The following CELSR1 variants were observed in gnomAD, a reference collection of about 807,000 sequenced individuals.
The protein encoded by CELSR1 is cadherin EGF LAG seven-pass G-type receptor 1.
In CELSR1, 110 loss-of-function variants were observed where a neutral mutation model predicts 249.1. That is an observed-to-expected ratio of 0.44 (90% CI 0.38 to 0.52). The LOEUF (loss-of-function observed/expected upper bound fraction) is 0.52, where lower values mean the gene tolerates loss of function less well. Among genes scored for constraint, CELSR1 ranks in the 20% least tolerant of loss-of-function variants. The probability of loss-of-function intolerance (pLI) is 0.00; values close to 1 mark genes in which losing one functional copy is unlikely to be tolerated. For synonymous variants in CELSR1, 2,113 were observed against 1,900.0 expected (o/e 1.11, Z -2.92); for missense variants, 4,109 against 4,296.4 (o/e 0.96, Z 1.22).
At position 46,533,790 on chromosome 22, in the gene CELSR1, G is replaced by C. The variant is rs1459742035; in HGVS notation, c.3381C>G (p.Ile1127Met). ...NSFPTGVIGC[I>M]PAHDPDVSDS... ...CTGACACGTCGGGGTCATGGGCCGG[G>C]ATGCAGCCGATCACGCCGGTGGGGA... The change falls in exon 1 of 35, where the codon ATC becomes ATG. Residue 1127 changes from isoleucine to methionine, a missense_variant. By Grantham distance (10) the Ile-to-Met change is conservative. Around this residue, in one of 7 missense-constraint regions of CELSR1, gnomAD observed 886 missense variants for 896.5 expected, o/e 0.99. Coordinates refer to ENST00000674500, the MANE Select transcript of CELSR1 (RefSeq NM_001378328.1). 5 of 1,613,748 alleles carry C rather than the reference G, an allele frequency of 3.1e-6. No homozygotes were observed. The South Asian group carries it at 5.5e-5, about 18-fold the overall frequency.
Position 46,363,481 on chromosome 22 carries a change from G to A in CELSR1, c.9036-234C>T. The A allele has an allele frequency of 2.0e-6, 1 of 487,862 alleles. No homozygotes were observed. The highest frequency in any genetic ancestry group is 3.7e-6 in the Non-Finnish European group (1 of 268,972). 30.2% of individuals were successfully genotyped at this position (487,862 alleles called of 1,614,324 possible). On this transcript the variant is annotated intron_variant, in intron 34 of 34. Coordinates refer to ENST00000674500, the MANE Select transcript of CELSR1 (RefSeq NM_001378328.1). This position sits in a 1 kb window ranked among gnomAD's most constrained non-coding sequence, Gnocchi z 4.3. ...TGCTGGTCTTTCAGAAGAGCGCAAG[G>A]AATCCACGTTAGAAACCGGCCATCT...
intron 1 of CELSR1, among the ~76,000 whole-genome samples, chr22:46,494,727 G>A (rs1262441645): frequency 2.0e-5 from 3 of 152,022 alleles, no homozygotes; most frequent in South Asian, 2.1e-4. Flanking sequence ...GGCTGGTCTC[G>A]AACTACTGAC....
chr22:46,421,753 G>A lies in CELSR1; in HGVS notation c.4612-9994C>T, dbSNP rs568018279. ...TGCAGGGTAAGTAAAGGCAGTGGCC[G>A]CCGACTTCACCAACTGATGGGAGCA... On this transcript the variant is annotated intron_variant, in intron 5 of 34. Transcript: ENST00000674500. Among the ~76,000 whole-genome samples the A allele has an allele frequency of 5.9e-5, 9 of 152,378 alleles. No individual in the cohort carries two copies. In the East Asian group the frequency reaches 9.7e-4, roughly 16 times the overall value.
Position 46,399,174 on chromosome 22 carries a change from A to G in CELSR1, c.5413-537T>C, listed in dbSNP as rs2079184042. Among the ~76,000 whole-genome samples, 1 of 152,178 alleles carries G rather than the reference A, an allele frequency of 6.6e-6. No homozygotes were observed. The highest frequency in any genetic ancestry group is 1.5e-5 in the Non-Finnish European group (1 of 68,022). Reference sequence around the variant, plus strand: ...AGTGTGTGGGCATTTCACAGACAACATCTTGGGTTACCTGCCTGCAAACTG... The same window carrying G: ...AGTGTGTGGGCATTTCACAGACAACGTCTTGGGTTACCTGCCTGCAAACTG... On this transcript the variant is annotated intron_variant, in intron 10 of 34. Transcript: ENST00000674500. This position sits in a 1 kb window ranked among gnomAD's most constrained non-coding sequence, Gnocchi z 5.0.
intron 4 of CELSR1, among the ~76,000 whole-genome samples, chr22:46,435,674 T>C (rs2079650971): frequency 6.6e-6 from 1 of 152,166 alleles, no homozygotes; most frequent in Admixed American, 6.5e-5. Context: ...TTTCCAGCAC[T>C]ATAAATAACA....
At chr22:46,466,208 C>T (rs564239578) in intron 1 of CELSR1, among the ~76,000 whole-genome samples, 1 of 152,310 alleles carries the variant, frequency 6.6e-6, no homozygotes, top group South Asian at 2.1e-4. Context: ...AGGCAAAGGA[C>T]ATGGTGGGAG....
In CELSR1 at chr22:46,381,620, G is replaced by T. The variant is rs1008995537; in HGVS notation, c.7088+226C>A. On this transcript the variant is annotated intron_variant, in intron 21 of 34. Transcript: ENST00000674500. The surrounding 1 kb of genome is among the most constrained non-coding windows in gnomAD (Gnocchi z 6.0). ...ATTTCTGGCACAAACACCAGGATGA[G>T]CCCAGGCAAAGGGTGTGCAATGTTC... Among the ~76,000 whole-genome samples the T allele has an allele frequency of 6.6e-6, 1 of 152,334 alleles. No individual in the cohort carries two copies. Among genetic ancestry groups the T allele is most frequent in the South Asian group, 2.1e-4 (1 of 4,818 alleles).
intron 11 of CELSR1, 39 bp from the exon 12 acceptor site, chr22:46,397,887 G>C: frequency 2.7e-6 from 4 of 1,475,612 alleles, no homozygotes; most frequent in Non-Finnish European, 2.7e-6. Context: ...CAGGAGCCCG[G>C]AAAGGTATGT....
At chr22:46,373,159 C>A (rs2078874768) in intron 24 of CELSR1, 102 bp from the exon 25 acceptor site, 1 of 1,252,154 alleles carries the variant, frequency 8.0e-7, no homozygotes, top group African/African-American at 1.5e-5. Context: ...CAATTCGGAC[C>A]ACCCTATGTG....
Position 46,389,343 on chromosome 22 carries a change from T to C in CELSR1, c.6502A>G (p.Ser2168Gly), listed in dbSNP as rs777111093. The change falls in exon 18 of 35, where the codon AGC becomes GGC. Residue 2168 changes from serine to glycine, a missense_variant. Around this residue, in one of 7 missense-constraint regions of CELSR1, gnomAD observed 1,805 missense variants for 1,831.6 expected, o/e 0.99. Coordinates refer to ENST00000674500, the MANE Select transcript of CELSR1 (RefSeq NM_001378328.1). ...QLLGHVLQHE[S>G]WQQGFDLAAT... is the part of the protein sequence containing the mutation. ...GCCAGGTCGAAGCCCTGCTGCCAGC[T>C]CTCGTGCTGAAGGACGTGGCCCAGC... 3.7e-6 allele frequency: 6 copies of C among 1,610,626 alleles called. No individual in the cohort carries two copies. The highest frequency in any genetic ancestry group is 1.8e-4 in the Middle Eastern group (1 of 5,672).
chr22:46,367,481 C>G (rs1001198671), intron 28 of CELSR1, among the ~76,000 whole-genome samples: 7 of 152,214 alleles, frequency 4.6e-5, no homozygotes, highest in African/African-American at 1.7e-4. Flanking sequence ...CACTTCTGTT[C>G]CCTGGAGACA....
At chr22:46,514,802 G>A (rs992662259) in intron 1 of CELSR1, among the ~76,000 whole-genome samples, 10 of 152,154 alleles carry the variant, frequency 6.6e-5, no homozygotes, top group Non-Finnish European at 1.2e-4. Flanking sequence ...AAGTCAGCAA[G>A]CACAAGTCAC....
intron 25 of CELSR1, among the ~76,000 whole-genome samples, chr22:46,372,414 C>T (rs1184375264): frequency 7.9e-6 from 1 of 126,138 alleles, no homozygotes; most frequent in Non-Finnish European, 1.8e-5. Flanking sequence ...CTCACCCCTC[C>T]ACCCATCCAT....
chr22:46,534,777 G>A lies in CELSR1; in HGVS notation c.2394C>T (p.Val798=), dbSNP rs1018895628. Residue 798 remains valine, a synonymous_variant, in exon 1 of 35, where the codon GTC becomes GTT. Coordinates refer to ENST00000674500, the MANE Select transcript of CELSR1 (RefSeq NM_001378328.1). The surrounding 1 kb of genome is among the most constrained non-coding windows in gnomAD (Gnocchi z 9.7). The part of the protein sequence containing the change: ...VFQSSHYTVS[V]SEDRPVGTSI... ...AGGTGCCCACAGGCCTGTCCTCACTGACACTCACTGTGTAATGGGAGCTCT... is the reference window on the plus strand; with the variant it reads ...AGGTGCCCACAGGCCTGTCCTCACTAACACTCACTGTGTAATGGGAGCTCT... 16 of 1,613,162 alleles carry A rather than the reference G, an allele frequency of 9.9e-6. No homozygotes were observed. The highest frequency in any genetic ancestry group is 1.4e-5 in the Non-Finnish European group (16 of 1,180,020).
At chr22:46,371,201 A>G (rs138800292) in intron 25 of CELSR1, among the ~76,000 whole-genome samples, 1 of 152,202 alleles carries the variant, frequency 6.6e-6, no homozygotes, top group Non-Finnish European at 1.5e-5. Flanking sequence ...AGTAAGGGAG[A>G]TGAGTCACAT....
At chr22:46,375,226 G>T (rs540938917) in intron 24 of CELSR1, among the ~76,000 whole-genome samples, 1 of 152,118 alleles carries the variant, frequency 6.6e-6, no homozygotes, top group Non-Finnish European at 1.5e-5. Context: ...CACAGACACC[G>T]TCTCCACCCA....
At position 46,406,565 on chromosome 22, in the gene CELSR1, C is replaced by A. The variant is rs1385639210; in HGVS notation, c.5226+2431G>T. 3.3e-5 allele frequency among the ~76,000 whole-genome samples: 5 copies of A among 152,218 alleles called. No individual in the cohort carries two copies. Among genetic ancestry groups the A allele is most frequent in the Non-Finnish European group, 7.3e-5 (5 of 68,042 alleles). ...CTGCCCCCGCCACACTCCAACCAGGCACTCATGATGGGGAGGGCATGTGCT... is the reference window on the plus strand; with the variant it reads ...CTGCCCCCGCCACACTCCAACCAGGAACTCATGATGGGGAGGGCATGTGCT... On this transcript the variant is annotated intron_variant, in intron 9 of 34. Coordinates refer to ENST00000674500, the MANE Select transcript of CELSR1 (RefSeq NM_001378328.1). This position sits in a 1 kb window ranked among gnomAD's most constrained non-coding sequence, Gnocchi z 5.4.
chr22:46,402,672 C>G lies in CELSR1; in HGVS notation c.5227-2770G>C, dbSNP rs528696086. On this transcript the variant is annotated intron_variant, in intron 9 of 34. Coordinates refer to ENST00000674500, the MANE Select transcript of CELSR1 (RefSeq NM_001378328.1). This position sits in a 1 kb window ranked among gnomAD's most constrained non-coding sequence, Gnocchi z 5.0. ...ACCACAGATTCATCAGACACAGACT[C>G]AAAAATAACACTGGGAACCACAAAA... Among the ~76,000 whole-genome samples the G allele has an allele frequency of 2.2e-4, 34 of 152,232 alleles. 1 individual carries two copies. The highest frequency in any genetic ancestry group is 1.9e-3 in the Admixed American group (29 of 15,294).
At chr22:46,438,310 G>A (rs766699998) in intron 3 of CELSR1, among the ~76,000 whole-genome samples, 1 of 152,150 alleles carries the variant, frequency 6.6e-6, no homozygotes, top group African/African-American at 2.4e-5. Context: ...ACTAGAAAGA[G>A]GAGAAGGGGC....
Sources: gnomAD v4.1 joint callset for allele counts (sites outside exome capture counted in the v4.1 genomes callset) on GRCh38, gnomAD v4.1.1 for gene constraint, gnomAD v4.1.1 regional missense constraint, Gnocchi (gnomAD v3.1) non-coding constraint, MANE v1.5 for transcripts, NCBI Gene and HGNC (gene_info 2026-07-23, HGNC 2026-07-21) for gene names.